Variants in PARD3B observed in about 807,000 individuals in gnomAD.
PARD3B encodes the protein partitioning defective 3 homolog B.
Under a neutral mutation model 130.2 loss-of-function variants are expected in PARD3B, and 103 were observed. That is an observed-to-expected ratio of 0.79 (90% CI 0.67 to 0.93). The LOEUF is 0.93. Among genes scored for constraint, PARD3B ranks in the 40% least tolerant of loss-of-function variants. PARD3B has a pLI of 0.00. For synonymous variants in PARD3B, 583 were observed against 553.2 expected, an observed-to-expected ratio of 1.05 and a Z score of -0.76; for missense variants, 1,609 against 1,499.2, an observed-to-expected ratio of 1.07 and a Z score of -1.21.
In PARD3B at chr2:205,351,801, G is replaced by GA. The variant is rs5837968; in HGVS notation, c.2631-49200dup. 4.3e-3 allele frequency among the ~76,000 whole-genome samples: 640 copies of GA among 147,526 alleles called. 6 individuals are homozygous for GA. The highest frequency in any genetic ancestry group is 0.015 in the African/African-American group (583 of 39,796). ...TAAGTGTAATGTAGGGCAGAAACAA[G>GA]AAAAAAAAAAAACGTTGGCTTCCAG... On this transcript the variant is annotated intron_variant, in intron 18 of 22. Transcript: ENST00000406610. This position sits in a 1 kb window ranked among gnomAD's most constrained non-coding sequence, Gnocchi z 4.2.
chr2:204,973,646 A>T (rs1340289726), intron 3 of PARD3B, among the ~76,000 whole-genome samples: 1 of 151,890 alleles, frequency 6.6e-6, no homozygotes, highest in African/African-American at 2.4e-5. Flanking sequence ...TCAGAGTTGG[A>T]CACGCTTTCG....
Position 205,440,384 on chromosome 2 carries a change from A to G in PARD3B, c.2756A>G (p.His919Arg), listed in dbSNP as rs1250486215. 6.2e-7 allele frequency: 1 copy of G among 1,613,974 alleles called. No individual in the cohort carries two copies. The highest frequency in any genetic ancestry group is 8.5e-7 in the Non-Finnish European group (1 of 1,179,870). ...GTATTTTTCAGGATTGGAGCAAAAC[A>G]TCAGGAGCTAAGGGAAAAGCAGGCA... ...KEERERIGAKHQELREKQARG... is the reference protein window; with the variant it reads ...KEERERIGAKRQELREKQARG... The change falls in exon 20 of 23, where the codon CAT (histidine) becomes CGT (arginine). Residue 919 changes from histidine to arginine, a missense_variant. Transcript: ENST00000406610. The surrounding 1 kb of genome is among the most constrained non-coding windows in gnomAD (Gnocchi z 4.2).
chr2:205,502,904 C>T (rs62173190), intron 21 of PARD3B, among the ~76,000 whole-genome samples: 5,373 of 152,090 alleles, frequency 0.035, 131 homozygotes, highest in Non-Finnish European at 0.055. Context: ...ACCACTATTG[C>T]ACCTGCCCAG....
At chr2:205,003,624 G>A (rs1695026772) in intron 3 of PARD3B, among the ~76,000 whole-genome samples, 1 of 152,126 alleles carries the variant, frequency 6.6e-6, no homozygotes, top group South Asian at 2.1e-4. Context: ...TTTTTCCATA[G>A]CACGTATCCA....
At chr2:204,554,247 T>C (rs10166278) in intron 1 of PARD3B, among the ~76,000 whole-genome samples, 1,662 of 152,188 alleles carry the variant, frequency 0.011, 30 homozygotes, top group African/African-American at 0.038. Context: ...TGGTTCCAAA[T>C]ACCACTGGGG....
Position 205,301,597 on chromosome 2 carries a change from G to A in PARD3B, c.2526G>A (p.Lys842=). 6.2e-7 allele frequency: 1 copy of A among 1,613,764 alleles called. No homozygotes were observed. The highest frequency in any genetic ancestry group is 1.1e-5 in the South Asian group (1 of 91,062). ...RKVKKTKEKE[K]KKEKGKLKVK... is the part of the protein sequence containing the mutation. ...TCAAAAAAACGAAAGAGAAGGAGAA[G>A]AAAAAGGAAAAGGGCAAATTGAAAG... The change falls in exon 18 of 23, where the codon AAG becomes AAA. Residue 842 remains lysine, a synonymous_variant. Transcript: ENST00000406610. The surrounding 1 kb of genome is among the most constrained non-coding windows in gnomAD (Gnocchi z 5.2).
intron 2 of PARD3B, among the ~76,000 whole-genome samples, chr2:204,762,823 C>T (rs1321773816): frequency 1.3e-4 from 19 of 150,428 alleles, no homozygotes; most frequent in Non-Finnish European, 2.1e-4. Flanking sequence ...TGCAATGGCA[C>T]GATCTCGGCT....
intron 16 of PARD3B, among the ~76,000 whole-genome samples, chr2:205,256,937 G>A (rs1004624836): frequency 1.3e-5 from 2 of 152,068 alleles, no homozygotes; most frequent in South Asian, 2.1e-4. Flanking sequence ...AAGCCATAAG[G>A]AAAATCATAA....
At position 205,245,947 on chromosome 2, in the gene PARD3B, G is replaced by A. The variant is rs1021047598; in HGVS notation, c.2185+125G>A. On this transcript the variant is annotated intron_variant, in intron 16 of 22. Coordinates refer to ENST00000406610, the MANE Select transcript of PARD3B (RefSeq NM_001302769.2). ...AGGCTTTCTAATTAATACATGAGATGTCTCTGACTTCCACAAAGATGACTT... is the reference window on the plus strand; with the variant it reads ...AGGCTTTCTAATTAATACATGAGATATCTCTGACTTCCACAAAGATGACTT... The A allele has an allele frequency of 5.5e-6, 4 of 727,136 alleles. No homozygotes were observed. In the African/African-American group the frequency reaches 7.0e-5, roughly 13 times the overall value. The allele number at this position is 727,136 out of a possible 1,614,324, so 45.0% of individuals were successfully genotyped here.
At chr2:204,562,403 T>C (rs899329198) in intron 1 of PARD3B, among the ~76,000 whole-genome samples, 1 of 152,158 alleles carries the variant, frequency 6.6e-6, no homozygotes, top group Non-Finnish European at 1.5e-5. Flanking sequence ...CAAATGACAT[T>C]GTAGGTGTTA....
chr2:205,284,998 T>TG (rs1574595942), intron 16 of PARD3B, among the ~76,000 whole-genome samples: 1 of 151,590 alleles, frequency 6.6e-6, no homozygotes. Context: ...AAACAGTTTT[T>TG]TTTTTTTTTT....
rs1422120951 is a variant in PARD3B, at chr2:205,258,126, T to C, written c.2185+12304T>C. 1.3e-5 allele frequency among the ~76,000 whole-genome samples: 2 copies of C among 152,286 alleles called. No homozygotes were observed. Among genetic ancestry groups the C allele is most frequent in the East Asian group, 3.9e-4 (2 of 5,188 alleles). Reference sequence around the variant, plus strand: ...AACATAACAGATGCAATGGTACACTTCCATGTGGGCCTGGAAAGCCTTACC... The same window carrying C: ...AACATAACAGATGCAATGGTACACTCCCATGTGGGCCTGGAAAGCCTTACC... On this transcript the variant is annotated intron_variant, in intron 16 of 22. Transcript: ENST00000406610. This position sits in a 1 kb window ranked among gnomAD's most constrained non-coding sequence, Gnocchi z 4.9.
chr2:205,004,050 A>C (rs1372338192), intron 3 of PARD3B, among the ~76,000 whole-genome samples: 1 of 152,172 alleles, frequency 6.6e-6, no homozygotes, highest in Non-Finnish European at 1.5e-5. Flanking sequence ...AAAGTTAAGG[A>C]GAGTTTGAGG....
At chr2:204,565,365 A>G (rs941563615) in intron 1 of PARD3B, among the ~76,000 whole-genome samples, 2 of 152,228 alleles carry the variant, frequency 1.3e-5, no homozygotes, top group Non-Finnish European at 2.9e-5. Context: ...AATCACAACC[A>G]ATGAAATATT....
At chr2:205,327,410 T>C (rs1230924659) in intron 18 of PARD3B, among the ~76,000 whole-genome samples, 1 of 152,252 alleles carries the variant, frequency 6.6e-6, no homozygotes, top group Non-Finnish European at 1.5e-5. Context: ...TATTAGTGTT[T>C]ACTACTTTAT....
intron 3 of PARD3B, among the ~76,000 whole-genome samples, chr2:205,007,277 C>T (rs1243736795): frequency 6.6e-6 from 1 of 152,148 alleles, no homozygotes; most frequent in African/African-American, 2.4e-5. Context: ...TCAATTAAAC[C>T]TCTTTCCTTT....
intron 21 of PARD3B, among the ~76,000 whole-genome samples, chr2:205,510,990 C>G (rs916490613): frequency 6.6e-6 from 1 of 152,188 alleles, no homozygotes; most frequent in Non-Finnish European, 1.5e-5. Context: ...TCTCTACTGA[C>G]TCCCGGTGAA....
At chr2:205,205,985 CT>C (rs1015094518) in intron 15 of PARD3B, among the ~76,000 whole-genome samples, 1 of 152,118 alleles carries the variant, frequency 6.6e-6, no homozygotes, top group Non-Finnish European at 1.5e-5. Context: ...AGGATTCCCT[CT>C]TTTTCTATTG....
chr2:205,423,594 C>G (rs1448208937), intron 19 of PARD3B, among the ~76,000 whole-genome samples: 2 of 152,076 alleles, frequency 1.3e-5, no homozygotes, highest in Non-Finnish European at 2.9e-5. Flanking sequence ...CTAATAAGCA[C>G]CATAGAAAAT....
Sources: gnomAD v4.1 joint callset for allele counts (sites outside exome capture counted in the v4.1 genomes callset) on GRCh38, gnomAD v4.1.1 for gene constraint, Gnocchi (gnomAD v3.1) non-coding constraint, MANE v1.5 for transcripts, NCBI Gene and HGNC (gene_info 2026-07-23, HGNC 2026-07-21) for gene names.